BCAS3: variants seen among roughly 807,000 people sequenced by gnomAD.
BCAS3 encodes the protein BCAS3 microtubule associated cell migration factor.
In BCAS3, 53 loss-of-function variants were observed where a neutral mutation model predicts 116.1. The ratio of observed to expected loss-of-function variants is 0.46; its 90% CI spans 0.37 to 0.57. The LOEUF (loss-of-function observed/expected upper bound fraction) is 0.57. Among genes scored for constraint, BCAS3 ranks in the 20% least tolerant of loss-of-function variants. The pLI, the probability that BCAS3 is intolerant of heterozygous loss-of-function variation, is 0.00. For synonymous variants in BCAS3, 391 were observed against 408.2 expected, an observed-to-expected ratio of 0.96 and a Z score of 0.51; for missense variants, 917 against 1,165.4, an observed-to-expected ratio of 0.79 and a Z score of 3.10.
chr17:61,205,414 G>C lies in BCAS3; in HGVS notation c.2425+120850G>C, dbSNP rs1401246744. ...ACCAGAATGAGGTATTTTCATTTCT[G>C]CATACTTCTAATTCTACAAGAAAGA... On this transcript the variant is annotated intron_variant, in intron 22 of 23. Coordinates refer to ENST00000407086, the MANE Select transcript of BCAS3 (RefSeq NM_017679.5). This position sits in a 1 kb window ranked among gnomAD's most constrained non-coding sequence, Gnocchi z 5.2. 6.6e-6 allele frequency among the ~76,000 whole-genome samples: 1 copy of C among 152,142 alleles called. No individual in the cohort carries two copies. The highest frequency in any genetic ancestry group is 1.5e-5 in the Non-Finnish European group (1 of 68,022).
chr17:61,342,820 C>A (rs1026999137), intron 22 of BCAS3, among the ~76,000 whole-genome samples: 1 of 149,688 alleles, frequency 6.7e-6, no homozygotes, highest in Non-Finnish European at 1.5e-5. Context: ...GGTGGGATCT[C>A]GACTCTGTAA....
At chr17:61,033,123 A>G (rs1033408024) in intron 16 of BCAS3, among the ~76,000 whole-genome samples, 3 of 152,190 alleles carry the variant, frequency 2.0e-5, no homozygotes, top group Admixed American at 6.5e-5. Context: ...TGAGGGCCAT[A>G]TAGAAAAGTT....
At chr17:60,702,160 T>G (rs1336148667) in intron 4 of BCAS3, among the ~76,000 whole-genome samples, 33 of 152,208 alleles carry the variant, frequency 2.2e-4, no homozygotes, top group Non-Finnish European at 2.9e-5. Context: ...TTGAATTGAA[T>G]GCAATTGAAT....
At chr17:60,952,957 A>G (rs1230343799) in intron 14 of BCAS3, among the ~76,000 whole-genome samples, 1 of 151,586 alleles carries the variant, frequency 6.6e-6, no homozygotes, top group Non-Finnish European at 1.5e-5. Context: ...ATTCTTTTTT[A>G]TGACTGCATA....
At chr17:60,737,480 A>G (rs1412202315) in intron 5 of BCAS3, among the ~76,000 whole-genome samples, 1 of 152,006 alleles carries the variant, frequency 6.6e-6, no homozygotes, top group Non-Finnish European at 1.5e-5. Context: ...TTAAGGTGGA[A>G]GGTTAGATTT....
intron 4 of BCAS3, among the ~76,000 whole-genome samples, chr17:60,707,140 C>T (rs534468337): frequency 9.3e-4 from 141 of 152,064 alleles, no homozygotes; most frequent in African/African-American, 3.3e-3. Context: ...TACAGGCATA[C>T]GCACCACCAT....
intron 9 of BCAS3, among the ~76,000 whole-genome samples, chr17:60,876,322 G>A (rs1445409254): frequency 1.3e-5 from 2 of 151,868 alleles, no homozygotes; most frequent in Non-Finnish European, 2.9e-5. Flanking sequence ...TTCTGTTGGA[G>A]GTACATTTTT....
chr17:61,201,612 G>T (rs1296151826), intron 22 of BCAS3, among the ~76,000 whole-genome samples: 2 of 152,134 alleles, frequency 1.3e-5, no homozygotes, highest in Non-Finnish European at 2.9e-5. Context: ...TAGCGAGTTT[G>T]CTCAGGTTGT....
Position 61,020,139 on chromosome 17 carries a change from A to G in BCAS3, c.1637+4238A>G, listed in dbSNP as rs2065770662. ...TTATATTTCTAAAGTAGAGATTTCT[A>G]AAGATTTCTAGGATCCAGTAATTAA... On this transcript the variant is annotated intron_variant, in intron 16 of 23. Transcript: ENST00000407086. The surrounding 1 kb of genome is among the most constrained non-coding windows in gnomAD (Gnocchi z 4.5). Among the ~76,000 whole-genome samples, 1 of 152,222 alleles carries G rather than the reference A, an allele frequency of 6.6e-6. No homozygotes were observed. Among genetic ancestry groups the G allele is most frequent in the African/African-American group, 2.4e-5 (1 of 41,462 alleles).
chr17:61,086,675 T>C, intron 22 of BCAS3: 1 of 985,394 alleles, frequency 1.0e-6, no homozygotes, highest in Non-Finnish European at 1.2e-6. Context: ...TCTTGGTGGC[T>C]AAGCTTTATT....
At chr17:60,717,197 CT>C (rs1354473335) in intron 5 of BCAS3, among the ~76,000 whole-genome samples, 1 of 151,034 alleles carries the variant, frequency 6.6e-6, no homozygotes, top group African/African-American at 2.4e-5. Flanking sequence ...CTTTCTTTTT[CT>C]TTTCTTCTTC....
chr17:60,850,048 G>A (rs1020559811), intron 7 of BCAS3, among the ~76,000 whole-genome samples: 1 of 152,098 alleles, frequency 6.6e-6, no homozygotes, highest in Non-Finnish European at 1.5e-5. Context: ...GGAACCCACT[G>A]CACTTGGTGC....
In BCAS3 at chr17:61,087,754, C is replaced by G. The variant is rs1337323679; in HGVS notation, c.2425+3190C>G. On this transcript the variant is annotated intron_variant, in intron 22 of 23. Coordinates refer to ENST00000407086, the MANE Select transcript of BCAS3 (RefSeq NM_017679.5). This position sits in a 1 kb window ranked among gnomAD's most constrained non-coding sequence, Gnocchi z 4.6. ...CGGGTAAATTCTATGCCTTTAGACA[C>G]CTATGAACTAGATTCTTACTGTCTC... Among the ~76,000 whole-genome samples the G allele has an allele frequency of 6.6e-6, 1 of 152,114 alleles. No homozygotes were observed. Among genetic ancestry groups the G allele is most frequent in the Non-Finnish European group, 1.5e-5 (1 of 68,028 alleles).
In BCAS3 at chr17:61,186,774, G is replaced by A. The variant is rs1199077749; in HGVS notation, c.2425+102210G>A. Among the ~76,000 whole-genome samples the A allele has an allele frequency of 4.0e-5, 6 of 151,536 alleles. No individual in the cohort carries two copies. Among genetic ancestry groups the A allele is most frequent in the African/African-American group, 1.5e-4 (6 of 41,198 alleles). On this transcript the variant is annotated intron_variant, in intron 22 of 23. Coordinates refer to ENST00000407086, the MANE Select transcript of BCAS3 (RefSeq NM_017679.5). This position sits in a 1 kb window ranked among gnomAD's most constrained non-coding sequence, Gnocchi z 4.9. ...CGCCCAGGTTGGAGTGCAGTGGCAC[G>A]ATCTCAGCTTACTGCAAGCTCCACC...
rs929471 is a variant in BCAS3, at chr17:61,377,740, G to A, written c.2593+9246G>A. The A allele has an allele frequency of 0.75, 114,028 of 152,168 alleles. 48,291 individuals carry two copies. Among genetic ancestry groups the A allele is most frequent in the Non-Finnish European group, 0.93 (63,275 of 68,052 alleles). The allele number at this position is 152,168 out of a possible 1,614,324, so 9.4% of individuals were successfully genotyped here. A position where few individuals can be genotyped will look rare whatever the true frequency, so the allele number is the denominator to read the frequency against. On this transcript the variant is annotated intron_variant, in intron 23 of 23. Coordinates refer to ENST00000407086, the MANE Select transcript of BCAS3 (RefSeq NM_017679.5). This position sits in a 1 kb window ranked among gnomAD's most constrained non-coding sequence, Gnocchi z 4.6. ...GATAGCAGTGGCCACACCTCCCGTGGGACTTGTACGCCTAAGACTCTGCCT... is the reference window on the plus strand; with the variant it reads ...GATAGCAGTGGCCACACCTCCCGTGAGACTTGTACGCCTAAGACTCTGCCT...
rs559739488 is a variant in BCAS3, at chr17:61,041,644, T to C, written c.2029+752T>C. Among the ~76,000 whole-genome samples, 1 of 152,184 alleles carries C rather than the reference T, an allele frequency of 6.6e-6. No individual in the cohort carries two copies. Among genetic ancestry groups the C allele is most frequent in the East Asian group, 1.9e-4 (1 of 5,186 alleles). ...ACATGTTTTTAATGAAACTTTGTTG[T>C]ATTTAACACATTGTCTTGCCCGGTA... On this transcript the variant is annotated intron_variant, in intron 19 of 23. Transcript: ENST00000407086. The surrounding 1 kb of genome is among the most constrained non-coding windows in gnomAD (Gnocchi z 4.7).
intron 22 of BCAS3, among the ~76,000 whole-genome samples, chr17:61,253,735 G>A (rs563747905): frequency 4.0e-5 from 6 of 151,772 alleles, no homozygotes; most frequent in African/African-American, 1.2e-4. Flanking sequence ...TGCAGAGGTG[G>A]ATTTTAATGT....
At chr17:60,986,907 A>AGTTCAAT (rs946138637) in intron 14 of BCAS3, 53 of 140,142 alleles carry the variant, frequency 3.8e-4, no homozygotes, top group African/African-American at 1.7e-3. Context: ...ATCTTTGCCC[A>AGTTCAAT]GTTTCAATGT....
At position 61,244,729 on chromosome 17, in the gene BCAS3, G is replaced by C. The variant is rs990487776; in HGVS notation, c.2426-123598G>C. On this transcript the variant is annotated intron_variant, in intron 22 of 23. Coordinates refer to ENST00000407086, the MANE Select transcript of BCAS3 (RefSeq NM_017679.5). This position sits in a 1 kb window ranked among gnomAD's most constrained non-coding sequence, Gnocchi z 4.9. ...ATACAAAAAATTAGCAGGGCGTGGT[G>C]GTGGGCACCTGTAGTCCCAGTTACT... Among the ~76,000 whole-genome samples, 9 of 152,102 alleles carry C rather than the reference G, an allele frequency of 5.9e-5. No homozygotes were observed. The highest frequency in any genetic ancestry group is 2.2e-4 in the African/African-American group (9 of 41,408).
Sources: gnomAD v4.1 joint callset for allele counts (sites outside exome capture counted in the v4.1 genomes callset) on GRCh38, gnomAD v4.1.1 for gene constraint, Gnocchi (gnomAD v3.1) non-coding constraint, MANE v1.5 for transcripts, NCBI Gene and HGNC (gene_info 2026-07-23, HGNC 2026-07-21) for gene names.